OSBPL10: variants seen among roughly 807,000 people sequenced by gnomAD.
OSBPL10 encodes oxysterol binding protein like 10.
In OSBPL10, 49 loss-of-function variants were observed where a neutral mutation model predicts 81.7. The ratio of observed to expected loss-of-function variants is 0.60; its 90% confidence interval spans 0.48 to 0.76. The LOEUF (loss-of-function observed/expected upper bound fraction) is 0.76, where lower values mean the gene tolerates loss of function less well. Among genes scored for constraint, OSBPL10 ranks in the 30% least tolerant of loss-of-function variants. OSBPL10 has a pLI of 0.00. For synonymous variants in OSBPL10, 419 were observed against 383.6 expected (o/e 1.09, Z -1.08); for missense variants, 923 against 987.8 (o/e 0.93, Z 0.88).
intron 2 of OSBPL10, among the ~76,000 whole-genome samples, chr3:31,993,077 C>A (rs1325191958): frequency 6.6e-6 from 1 of 152,060 alleles, no homozygotes; most frequent in Non-Finnish European, 1.5e-5. Flanking sequence ...GAGCCAAAGA[C>A]GGGAAAATAT....
intron 3 of OSBPL10, 68 bp from the exon 4 acceptor site, chr3:31,830,299 ATTCATTTTGGACCTC>A: frequency 6.8e-7 from 1 of 1,471,980 alleles, no homozygotes; most frequent in East Asian, 2.3e-5. Context: ...GTTGGCTTCT[ATTCATTTTGGACCTC>A]TTCATCTTTC....
chr3:31,812,717 A>AAAAAG (rs1699714595), intron 4 of OSBPL10, among the ~76,000 whole-genome samples: 1 of 53,490 alleles, frequency 1.9e-5, no homozygotes, highest in Non-Finnish European at 4.0e-5. Context: ...GTAGGCAAAA[A>AAAAAG]AAAAGAAAGA....
At chr3:31,922,557 G>C (rs1362737528) in intron 1 of OSBPL10, among the ~76,000 whole-genome samples, 14 of 152,126 alleles carry the variant, frequency 9.2e-5, no homozygotes, top group Admixed American at 9.2e-4. Context: ...GGCGGAGGTT[G>C]CAGTTAGCCT....
chr3:32,014,115 T>C (rs530624042), intron 2 of OSBPL10, among the ~76,000 whole-genome samples: 1 of 152,316 alleles, frequency 6.6e-6, no homozygotes, highest in South Asian at 2.1e-4. Flanking sequence ...ATCATCCTGA[T>C]ACCAAAGCCT....
chr3:31,982,226 T>TCTG (rs1698864972), upstream of OSBPL10, among the ~76,000 whole-genome samples: 1 of 152,200 alleles, frequency 6.6e-6, no homozygotes, highest in African/African-American at 2.4e-5. Flanking sequence ...GGCTGTAACT[T>TCTG]CTGCGCCCCT....
intron 1 of OSBPL10, among the ~76,000 whole-genome samples, chr3:31,930,601 A>T (rs1195301265): frequency 6.6e-6 from 1 of 152,222 alleles, no homozygotes; most frequent in South Asian, 2.1e-4. Flanking sequence ...AATCACAGTA[A>T]ATCCATACAA....
At chr3:31,676,021 A>G (rs1341188668) in intron 8 of OSBPL10, among the ~76,000 whole-genome samples, 1 of 151,880 alleles carries the variant, frequency 6.6e-6, no homozygotes, top group Middle Eastern at 3.2e-3. Flanking sequence ...GAAGAGACAC[A>G]GGGCAGACTT....
At chr3:31,838,379 C>T (rs1244959391) in intron 3 of OSBPL10, among the ~76,000 whole-genome samples, 8 of 151,840 alleles carry the variant, frequency 5.3e-5, no homozygotes, top group African/African-American at 1.2e-4. Context: ...GGCGTGGTGG[C>T]GGCAGCCTGT....
At chr3:31,933,597 G>A (rs997477241) in intron 1 of OSBPL10, among the ~76,000 whole-genome samples, 10 of 151,830 alleles carry the variant, frequency 6.6e-5, no homozygotes, top group Non-Finnish European at 1.3e-4. Context: ...GGCAGAGACG[G>A]TGGGCTCTCA....
At chr3:31,784,921 C>T (rs1698824432) in intron 4 of OSBPL10, among the ~76,000 whole-genome samples, 1 of 151,656 alleles carries the variant, frequency 6.6e-6, no homozygotes, top group African/African-American at 2.4e-5. Context: ...GCTCTGTCAC[C>T]CAGGCTGGAG....
At chr3:31,899,174 TC>T (rs1387790083) in intron 1 of OSBPL10, among the ~76,000 whole-genome samples, 1 of 152,038 alleles carries the variant, frequency 6.6e-6, no homozygotes, top group Non-Finnish European at 1.5e-5. Flanking sequence ...ACTCCTGAGC[TC>T]AGGCAATCCG....
intron 1 of OSBPL10, among the ~76,000 whole-genome samples, chr3:31,891,526 T>C (rs972258637): frequency 6.6e-6 from 1 of 152,228 alleles, no homozygotes; most frequent in African/African-American, 2.4e-5. Context: ...CCCAAAGGTC[T>C]GCCTGCTTAT....
In OSBPL10 at chr3:31,728,469, T is replaced by C. The variant is rs369418728; in HGVS notation, c.1095+4788A>G. On this transcript the variant is annotated intron_variant, in intron 6 of 11. Coordinates refer to ENST00000396556, the MANE Select transcript of OSBPL10 (RefSeq NM_017784.5). ...AACATTATTTTTCATTGCTCCCCCT[T>C]TCCATTTTACCCATAAAAAATATGA... Among the ~76,000 whole-genome samples, 13 of 152,322 alleles carry C rather than the reference T, an allele frequency of 8.5e-5. No individual in the cohort carries two copies. The East Asian group carries it at 2.5e-3, about 29-fold the overall frequency.
intron 1 of OSBPL10, among the ~76,000 whole-genome samples, chr3:31,973,494 G>A (rs987797412): frequency 8.5e-5 from 13 of 152,208 alleles, no homozygotes; most frequent in African/African-American, 2.2e-4. Flanking sequence ...ACAACACTGC[G>A]AGGTTCATAT....
chr3:31,873,702 A>C (rs559573374), intron 3 of OSBPL10, among the ~76,000 whole-genome samples: 5 of 152,226 alleles, frequency 3.3e-5, no homozygotes, highest in Non-Finnish European at 5.9e-5. Context: ...AGAATAAAGA[A>C]GAAACACGGT....
intron 4 of OSBPL10, among the ~76,000 whole-genome samples, chr3:31,779,754 C>G (rs1484689394): frequency 6.6e-6 from 1 of 152,150 alleles, no homozygotes; most frequent in Non-Finnish European, 1.5e-5. Context: ...AATACACATT[C>G]TTTTCATCAG....
chr3:31,662,759 G>GT, intron 11 of OSBPL10: 21 of 985,428 alleles, frequency 2.1e-5, no homozygotes, highest in Non-Finnish European at 2.5e-5. Flanking sequence ...AACTGTAAAT[G>GT]TTTTTTCTTG....
intron 1 of OSBPL10, among the ~76,000 whole-genome samples, chr3:31,920,502 C>A (rs547069531): frequency 7.9e-5 from 12 of 152,170 alleles, no homozygotes; most frequent in Non-Finnish European, 1.8e-4. Flanking sequence ...GAATTGTACT[C>A]TAGCTGATAA....
intron 1 of OSBPL10, among the ~76,000 whole-genome samples, chr3:31,950,259 A>T (rs1697829962): frequency 6.6e-6 from 1 of 152,222 alleles, no homozygotes; most frequent in Non-Finnish European, 1.5e-5. Context: ...CACTCCTACA[A>T]ACCAATGCAA....
Sources: allele counts gnomAD v4.1 joint callset (sites outside exome capture counted in the v4.1 genomes callset), GRCh38; gene constraint gnomAD v4.1.1; transcripts MANE v1.5; gene names NCBI Gene and HGNC (gene_info 2026-07-23, HGNC 2026-07-21).